The following FAIM2 variants were observed in gnomAD, a reference collection of about 807,000 sequenced individuals.
The protein encoded by FAIM2 is Fas apoptotic inhibitory molecule 2, also known as protein lifeguard 2.
A neutral mutation model predicts 47.4 loss-of-function variants in FAIM2; 27 were observed. The observed-to-expected ratio is 0.57, with a 90% CI of 0.42 to 0.78. The LOEUF is 0.78. Ranked by LOEUF, FAIM2 falls within the 30% of genes least tolerant of loss-of-function variation. The pLI is 0.00. For missense variants in FAIM2, 311 were observed against 389.4 expected (o/e 0.80, Z 1.69); for synonymous variants, 156 against 159.3 (o/e 0.98, Z 0.16).
At chr12:49,870,800 C>T (rs943358417) in intron 11 of FAIM2, 147 bp from the exon 12 acceptor site, 3 of 676,084 alleles carry the variant, frequency 4.4e-6, no homozygotes, top group Admixed American at 2.7e-5. Context: ...TCCTGTGACA[C>T]CTTCTGTCCC....
At chr12:49,903,460 C>T (rs1368627343) in intron 1 of FAIM2, among the ~76,000 whole-genome samples, 2 of 152,256 alleles carry the variant, frequency 1.3e-5, no homozygotes, top group Non-Finnish European at 2.9e-5. Flanking sequence ...CCCATGCACA[C>T]ACATACAGTC....
intron 2 of FAIM2, chr12:49,900,290 G>T: frequency 1.8e-6 from 2 of 1,131,556 alleles, no homozygotes; most frequent in Non-Finnish European, 2.3e-6. Context: ...TTGTCTCTGA[G>T]ATCTCTTCTA....
chr12:49,899,834 G>A (rs868568600), intron 2 of FAIM2, among the ~76,000 whole-genome samples: 6 of 152,332 alleles, frequency 3.9e-5, no homozygotes, highest in East Asian at 1.9e-4. Flanking sequence ...AAACCCAGAC[G>A]CGAACCCTGT....
chr12:49,884,308 G>A (rs969351932), intron 11 of FAIM2, among the ~76,000 whole-genome samples: 1 of 152,038 alleles, frequency 6.6e-6, no homozygotes. Context: ...AAGGAGAGAG[G>A]GAGGAGAGCC....
rs1946894927 is a variant in FAIM2 at position 49,890,803 on chromosome 12, G to T, written c.486-81C>A. 9 of 1,282,312 alleles carry T rather than the reference G, an allele frequency of 7.0e-6. No homozygotes were observed. In the Admixed American group the frequency reaches 1.3e-4, roughly 19 times the overall value. 79.4% of individuals were successfully genotyped at this position (1,282,312 alleles called of 1,614,324 possible). On this transcript the variant is annotated intron_variant, in intron 6 of 11. Transcript: ENST00000320634. ...AGGCTGTGACACTGTTGCAGGGAGG[G>T]GGTCTCTGACCAACCCCCTCCACAC... is the stretch of plus-strand genomic sequence containing the variant.
chr12:49,885,946 A>G (rs942605166), intron 11 of FAIM2, among the ~76,000 whole-genome samples: 1 of 152,046 alleles, frequency 6.6e-6, no homozygotes, highest in African/African-American at 2.4e-5. Flanking sequence ...ACCCTCACTC[A>G]GGCTTGATCC....
chr12:49,892,442 C>T (rs1946907092), intron 5 of FAIM2, among the ~76,000 whole-genome samples: 1 of 152,332 alleles, frequency 6.6e-6, no homozygotes, highest in South Asian at 2.1e-4. Context: ...CCCCCTCCTC[C>T]ATCTTCCGAG....
chr12:49,875,571 G>A (rs1416657567), intron 11 of FAIM2, among the ~76,000 whole-genome samples: 1 of 152,148 alleles, frequency 6.6e-6, no homozygotes, highest in Non-Finnish European at 1.5e-5. Context: ...CCCCCAGGAG[G>A]GCCACCAAAG....
chr12:49,903,690 C>G, intron 1 of FAIM2, 88 bp downstream of exon 1: 1 of 1,505,392 alleles, frequency 6.6e-7, no homozygotes, highest in Non-Finnish European at 9.0e-7. Flanking sequence ...GGGGAGGATG[C>G]TTTCGTGGTC....
chr12:49,896,406 C>T (rs139614818), intron 5 of FAIM2, among the ~76,000 whole-genome samples: 1 of 152,142 alleles, frequency 6.6e-6, no homozygotes, highest in African/African-American at 2.4e-5. Context: ...CTGCAGGGAG[C>T]CTGCCAAGTA....
At chr12:49,890,763 G>C in intron 6 of FAIM2, 41 bp from the exon 7 acceptor site, 1 of 1,586,706 alleles carries the variant, frequency 6.3e-7, no homozygotes, top group African/African-American at 1.3e-5. Flanking sequence ...CGTAGGGGGT[G>C]GGGGCAGTGG....
chr12:49,880,167 T>TGTGTGTCTGCGTGC (rs146657856), intron 11 of FAIM2, among the ~76,000 whole-genome samples: 1 of 143,416 alleles, frequency 7.0e-6, no homozygotes, highest in Non-Finnish European at 1.5e-5. Context: ...TGCATGTGTG[T>TGTGTGTCTGCGTGC]ATGTGTGTGT....
chr12:49,900,426 G>A (rs1946974364), intron 2 of FAIM2, among the ~76,000 whole-genome samples: 1 of 152,070 alleles, frequency 6.6e-6, no homozygotes, highest in Non-Finnish European at 1.5e-5. Flanking sequence ...CCGAGGTAAA[G>A]CTCCCACAGG....
rs573335594 is a variant in FAIM2 at position 49,900,571 on chromosome 12, C to T, written c.211+559G>A. 2.9e-4 allele frequency among the ~76,000 whole-genome samples: 44 copies of T among 152,260 alleles called. No homozygotes were observed. The South Asian group carries it at 4.6e-3, about 16-fold the overall frequency. On this transcript the variant is annotated intron_variant, in intron 2 of 11. Transcript: ENST00000320634. Reference sequence around the variant, plus strand: ...CCACACTCCCTCCCTGGGTCATGAACTCCTGCCCCAGCACGGGCTCGGGGA... The same window carrying T: ...CCACACTCCCTCCCTGGGTCATGAATTCCTGCCCCAGCACGGGCTCGGGGA...
intron 11 of FAIM2, among the ~76,000 whole-genome samples, chr12:49,879,948 G>A (rs1169538282): frequency 7.9e-6 from 1 of 126,932 alleles, no homozygotes; most frequent in African/African-American, 3.1e-5. Context: ...TTGTATATAT[G>A]TGCGCTTGTA....
At chr12:49,896,383 A>G (rs1946937427) in intron 5 of FAIM2, among the ~76,000 whole-genome samples, 1 of 152,188 alleles carries the variant, frequency 6.6e-6, no homozygotes, top group Non-Finnish European at 1.5e-5. Flanking sequence ...GCAGGAGCCG[A>G]GTGGCTCGAG....
At chr12:49,879,703 T>TGA (rs138880058) in intron 11 of FAIM2, among the ~76,000 whole-genome samples, 109,361 of 145,822 alleles carry the variant, frequency 0.75, 40,492 homozygotes, top group African/African-American at 0.82. Flanking sequence ...TGTGTGCATG[T>TGA]GTGTGTGTGT....
chr12:49,889,562 G>A lies in FAIM2; in HGVS notation c.570C>T (p.Tyr190=), dbSNP rs1946885137. Residue 190 remains tyrosine, a synonymous_variant, in exon 9 of 12, where the codon TAC becomes TAT. Coordinates refer to ENST00000320634, the MANE Select transcript of FAIM2 (RefSeq NM_012306.4). The part of the protein sequence containing the change: ...AYLTGMLSSY[Y]NTTSVLLCLG... ...GGCACAGCAGCACGGAGGTGGTGTTGTAGTAGCTGAGGACCGTCAGGCCGA... is the reference window on the plus strand; with the variant it reads ...GGCACAGCAGCACGGAGGTGGTGTTATAGTAGCTGAGGACCGTCAGGCCGA... 6.2e-7 allele frequency: 1 copy of A among 1,614,012 alleles called. No homozygotes were observed. Among genetic ancestry groups the A allele is most frequent in the Non-Finnish European group, 8.5e-7 (1 of 1,179,912 alleles).
At chr12:49,884,622 C>T (rs1312791164) in intron 11 of FAIM2, among the ~76,000 whole-genome samples, 1 of 152,190 alleles carries the variant, frequency 6.6e-6, no homozygotes, top group East Asian at 1.9e-4. Context: ...GGAAATGGCA[C>T]CAGGCTGGGC....
Sources: gnomAD v4.1 joint callset for allele counts (sites outside exome capture counted in the v4.1 genomes callset) on GRCh38, gnomAD v4.1.1 for gene constraint, MANE v1.5 for transcripts, NCBI Gene and HGNC (gene_info 2026-07-23, HGNC 2026-07-21) for gene names.